MACROD2: variants seen among roughly 807,000 people sequenced by gnomAD.
MACROD2 encodes mono-ADP ribosylhydrolase 2.
Under a neutral mutation model 70.4 loss-of-function variants are expected in MACROD2, and 36 were observed. The ratio of observed to expected loss-of-function variants is 0.51; its 90% CI spans 0.39 to 0.68. The LOEUF (loss-of-function observed/expected upper bound fraction) is 0.68, where lower values mean the gene tolerates loss of function less well. Among genes scored for constraint, MACROD2 ranks in the 30% least tolerant of loss-of-function variants. MACROD2 has a pLI of 0.00. For synonymous variants in MACROD2, 172 were observed against 178.8 expected (o/e 0.96, Z 0.30); for missense variants, 496 against 538.4 (o/e 0.92, Z 0.78).
At chr20:14,329,915 G>A (rs1240337090) in intron 3 of MACROD2, among the ~76,000 whole-genome samples, 1 of 151,902 alleles carries the variant, frequency 6.6e-6, no homozygotes, top group Non-Finnish European at 1.5e-5. Context: ...TGTATCTAAG[G>A]ACTACTTAGT....
At chr20:14,415,520 A>C (rs2083793941) in intron 3 of MACROD2, among the ~76,000 whole-genome samples, 1 of 152,172 alleles carries the variant, frequency 6.6e-6, no homozygotes, top group African/African-American at 2.4e-5. Context: ...TTCACTTGGA[A>C]TTCATCCAAT....
At chr20:14,403,965 G>A (rs757804008) in intron 3 of MACROD2, among the ~76,000 whole-genome samples, 2 of 151,970 alleles carry the variant, frequency 1.3e-5, no homozygotes, top group Admixed American at 6.6e-5. Flanking sequence ...AAAATAATTA[G>A]GGGAGTTGAA....
At chr20:14,169,551 G>T (rs1042927808) in intron 3 of MACROD2, among the ~76,000 whole-genome samples, 1 of 152,098 alleles carries the variant, frequency 6.6e-6, no homozygotes, top group African/African-American at 2.4e-5. Context: ...TGATCCGCCT[G>T]CCTCAGCCTC....
intron 5 of MACROD2, among the ~76,000 whole-genome samples, chr20:14,699,977 A>G (rs1370031468): frequency 3.0e-5 from 3 of 98,980 alleles, no homozygotes; most frequent in Admixed American, 1.8e-4. Context: ...TAAATCTAGA[A>G]GTTTAAAGTT....
At chr20:15,621,469 T>G (rs186918865) in intron 8 of MACROD2, among the ~76,000 whole-genome samples, 2 of 152,352 alleles carry the variant, frequency 1.3e-5, no homozygotes, top group East Asian at 3.9e-4. Flanking sequence ...AAGAATTATT[T>G]ATTTAAAAAT....
At chr20:15,033,303 G>A (rs1268000485) in intron 5 of MACROD2, among the ~76,000 whole-genome samples, 1 of 152,128 alleles carries the variant, frequency 6.6e-6, no homozygotes, top group African/African-American at 2.4e-5. Flanking sequence ...TACCTCTGCT[G>A]CCAACGATGG....
intron 3 of MACROD2, among the ~76,000 whole-genome samples, chr20:14,375,554 G>T (rs2083363599): frequency 6.6e-6 from 1 of 152,064 alleles, no homozygotes; most frequent in Non-Finnish European, 1.5e-5. Flanking sequence ...TGTTATTATG[G>T]AATTTAATAG....
chr20:14,127,083 A>T (rs1227563725), intron 3 of MACROD2, among the ~76,000 whole-genome samples: 1 of 152,234 alleles, frequency 6.6e-6, no homozygotes, highest in African/African-American at 2.4e-5. Context: ...CTCTTGCTCC[A>T]GTTGGGAGAG....
intron 4 of MACROD2, among the ~76,000 whole-genome samples, chr20:14,634,987 T>C (rs977112933): frequency 1.3e-5 from 2 of 152,126 alleles, no homozygotes; most frequent in Non-Finnish European, 2.9e-5. Flanking sequence ...AACTCTGGGG[T>C]TAGCATTTTA....
chr20:15,987,088 T>A lies in MACROD2; in HGVS notation c.1083T>A (p.Asp361Glu). The change falls in exon 15 of 18, where the codon GAT becomes GAA. Residue 361 changes from aspartate (D) to glutamate (E), a missense_variant. By Grantham distance (45) the Asp-to-Glu change is conservative (BLOSUM62 2). Coordinates refer to ENST00000684519, the MANE Select transcript of MACROD2 (RefSeq NM_001351661.2). ...ETEELSSNQEDAVIVEQPEVI... is the reference protein window; with the variant it reads ...ETEELSSNQEEAVIVEQPEVI... ...TAGAACTTTCATCAAACCAAGAAGA[T>A]GCCGTGATTGTGGAGCAACCAGAAG... 3.7e-6 allele frequency: 6 copies of A among 1,610,030 alleles called. No individual in the cohort carries two copies. Among genetic ancestry groups the A allele is most frequent in the Non-Finnish European group, 5.1e-6 (6 of 1,179,218 alleles).
At chr20:15,522,863 G>A (rs2047671416) in intron 8 of MACROD2, among the ~76,000 whole-genome samples, 1 of 152,166 alleles carries the variant, frequency 6.6e-6, no homozygotes, top group African/African-American at 2.4e-5. Flanking sequence ...CTAGGAGACG[G>A]AGAGTTTTAT....
chr20:14,586,853 T>C (rs1292240031), intron 4 of MACROD2, among the ~76,000 whole-genome samples: 1 of 152,066 alleles, frequency 6.6e-6, no homozygotes, highest in Non-Finnish European at 1.5e-5. Context: ...CAAATTATTT[T>C]AGTTACTATA....
At chr20:14,110,797 C>T (rs1181550509) in intron 3 of MACROD2, among the ~76,000 whole-genome samples, 1 of 151,908 alleles carries the variant, frequency 6.6e-6, no homozygotes, top group Non-Finnish European at 1.5e-5. Context: ...TATTCAACTA[C>T]CCAAAGCAAT....
chr20:15,483,324 T>A (rs915742982), intron 7 of MACROD2, among the ~76,000 whole-genome samples: 2 of 152,206 alleles, frequency 1.3e-5, no homozygotes, highest in Non-Finnish European at 2.9e-5. Flanking sequence ...CTTGCTTCAT[T>A]GTAGTGTCTT....
At chr20:15,522,226 C>T (rs1380276449) in intron 8 of MACROD2, among the ~76,000 whole-genome samples, 1 of 152,210 alleles carries the variant, frequency 6.6e-6, no homozygotes, top group Admixed American at 6.5e-5. Flanking sequence ...TCCTTCACCT[C>T]TCTCTAGTCC....
chr20:14,245,066 A>G (rs1472012439), intron 3 of MACROD2, among the ~76,000 whole-genome samples: 1 of 152,164 alleles, frequency 6.6e-6, no homozygotes, highest in Non-Finnish European at 1.5e-5. Flanking sequence ...ACGGAAGCTA[A>G]CAGTTTCATA....
At chr20:15,408,032 TAACA>T (rs1403799142) in intron 6 of MACROD2, among the ~76,000 whole-genome samples, 2 of 152,184 alleles carry the variant, frequency 1.3e-5, no homozygotes, top group Non-Finnish European at 2.9e-5. Flanking sequence ...AATACTCTGT[TAACA>T]AACAGAACTC....
intron 4 of MACROD2, among the ~76,000 whole-genome samples, chr20:14,586,388 C>G (rs1981379359): frequency 6.6e-6 from 1 of 151,926 alleles, no homozygotes; most frequent in Admixed American, 6.6e-5. Flanking sequence ...CTTAAGTTTC[C>G]TAATTCTAGG....
chr20:14,672,581 G>A (rs945294365), intron 4 of MACROD2, among the ~76,000 whole-genome samples: 4 of 152,200 alleles, frequency 2.6e-5, no homozygotes, highest in Admixed American at 6.5e-5. Context: ...ACCACATTAA[G>A]ATTCTTCGAG....
Sources: allele counts gnomAD v4.1 joint callset (sites outside exome capture counted in the v4.1 genomes callset), GRCh38; gene constraint gnomAD v4.1.1; transcripts MANE v1.5; gene names NCBI Gene and HGNC (gene_info 2026-07-23, HGNC 2026-07-21).